The following APC variants were observed in gnomAD, a reference collection of about 807,000 sequenced individuals.
APC encodes adenomatous polyposis coli protein.
Under a neutral mutation model 247.0 loss-of-function variants are expected in APC, and 72 were observed. That is an observed-to-expected ratio of 0.29 (90% CI 0.24 to 0.35). The LOEUF (loss-of-function observed/expected upper bound fraction) is 0.35. APC is among the 10% of genes least tolerant of loss of function. APC has a pLI of 1.00. For synonymous variants in APC, 1,254 were observed against 1,162.5 expected (o/e 1.08, Z -1.60); for missense variants, 3,400 against 3,360.7 (o/e 1.01, Z -0.29).
intron 11 of APC, among the ~76,000 whole-genome samples, chr5:112,825,262 C>T (rs1763526127): frequency 6.6e-6 from 1 of 152,226 alleles, no homozygotes; most frequent in Non-Finnish European, 1.5e-5. Flanking sequence ...CCACCATCGT[C>T]TCTCCTGTTC....
chr5:112,732,705 A>T (rs1243455855), intron 1 of APC, among the ~76,000 whole-genome samples: 2 of 152,202 alleles, frequency 1.3e-5, no homozygotes, highest in Admixed American at 1.3e-4. Flanking sequence ...TTTAATAGTC[A>T]GGAATGGGAT....
chr5:112,714,751 C>T (rs1208211714), intron 1 of APC, among the ~76,000 whole-genome samples: 1 of 152,180 alleles, frequency 6.6e-6, no homozygotes, highest in East Asian at 1.9e-4. Context: ...ATTATCTCTT[C>T]TATCATGCTT....
At chr5:112,720,885 T>A (rs547079452) in intron 1 of APC, among the ~76,000 whole-genome samples, 1 of 152,296 alleles carries the variant, frequency 6.6e-6, no homozygotes, top group East Asian at 1.9e-4. Context: ...ATTGTTCAGC[T>A]AGAGTTGAGA....
intron 11 of APC, among the ~76,000 whole-genome samples, chr5:112,823,847 C>T (rs1034507245): frequency 6.6e-6 from 1 of 152,134 alleles, no homozygotes; most frequent in East Asian, 1.9e-4. Context: ...AGGCACTCGT[C>T]AAACTGGATT....
At chr5:112,787,438 C>T (rs1009594000) in intron 6 of APC, among the ~76,000 whole-genome samples, 1 of 147,706 alleles carries the variant, frequency 6.8e-6, no homozygotes, top group Non-Finnish European at 1.5e-5. Context: ...TAGTATGTGA[C>T]AATTCTTGTT....
chr5:112,846,153 T>C lies in APC; in HGVS notation c.*2027T>C, dbSNP rs1219458814. 4.3e-6 allele frequency: 1 copy of C among 232,226 alleles called. No homozygotes were observed. The highest frequency in any genetic ancestry group is 8.5e-6 in the Non-Finnish European group (1 of 117,504). The allele number at this position is 232,226 out of a possible 1,614,324, so 14.4% of individuals were successfully genotyped here. The stretch of plus-strand genomic sequence containing the variant: ...CTTTGAAATGATTGACCTTTAAATT[T>C]TTGCCAAATGTTATCTGAAATTGTC... On this transcript the variant is annotated 3_prime_UTR_variant, in exon 16 of 16. Transcript: ENST00000257430.
At chr5:112,761,309 A>G (rs1485397459) in intron 2 of APC, among the ~76,000 whole-genome samples, 1 of 152,240 alleles carries the variant, frequency 6.6e-6, no homozygotes, top group Non-Finnish European at 1.5e-5. Flanking sequence ...CAAATAGGTA[A>G]TAGGAGCAAA....
chr5:112,740,063 AT>A (rs1294239959), intron 1 of APC, among the ~76,000 whole-genome samples: 3 of 151,180 alleles, frequency 2.0e-5, no homozygotes, highest in Non-Finnish European at 4.4e-5. Flanking sequence ...AAAATAATAT[AT>A]AACAGAGGTA....
At chr5:112,835,564 T>A (rs1409364352) in intron 15 of APC, among the ~76,000 whole-genome samples, 1 of 138,402 alleles carries the variant, frequency 7.2e-6, no homozygotes, top group African/African-American at 2.7e-5. Context: ...TTAGTATCCA[T>A]AATAATAATT....
rs1384328057 is a variant in APC, at chr5:112,842,923, C to G, written c.7329C>G (p.Phe2443Leu). 6.2e-7 allele frequency: 1 copy of G among 1,613,912 alleles called. No individual in the cohort carries two copies. Among genetic ancestry groups the G allele is most frequent in the Non-Finnish European group, 8.5e-7 (1 of 1,179,924 alleles). Residue 2443 changes from phenylalanine to leucine, a missense_variant, in exon 16 of 16, where the codon TTC becomes TTG. Around this residue, in one of 9 missense-constraint regions of APC, gnomAD observed 1,788 missense variants for 1,649.5 expected, o/e 1.08. Transcript: ENST00000257430. ...CTGTATTAGTACGCCAGTCAACTTTCATCAAAGAAGCTCCAAGCCCAACCT... is the reference window on the plus strand; with the variant it reads ...CTGTATTAGTACGCCAGTCAACTTTGATCAAAGAAGCTCCAAGCCCAACCT... ...ERPVLVRQST[F>L]IKEAPSPTLR... is the part of the protein sequence containing the mutation.
chr5:112,810,337 G>C, intron 8 of APC: 2 of 216,578 alleles, frequency 9.2e-6, no homozygotes, highest in Non-Finnish European at 1.9e-5. Context: ...TGGTTAGCAA[G>C]AAGTTGAGGA....
chr5:112,834,377 G>T (rs74797473), intron 14 of APC, among the ~76,000 whole-genome samples: 2 of 151,686 alleles, frequency 1.3e-5, no homozygotes, highest in South Asian at 2.1e-4. Context: ...AAGTAGCTGG[G>T]ATTACAGGCA....
At chr5:112,801,083 A>T (rs1352674694) in intron 7 of APC, among the ~76,000 whole-genome samples, 196 bp from the exon 8 acceptor site, 1 of 152,144 alleles carries the variant, frequency 6.6e-6, no homozygotes, top group Non-Finnish European at 1.5e-5. Flanking sequence ...CAAGGGACAC[A>T]CTTCACTTTC....
intron 1 of APC, among the ~76,000 whole-genome samples, chr5:112,751,591 CTTTCA>C (rs1449670967): frequency 6.6e-6 from 1 of 151,844 alleles, no homozygotes; most frequent in Non-Finnish European, 1.5e-5. Flanking sequence ...GGGATCTTTT[CTTTCA>C]TTTATCTTCT....
intron 11 of APC, among the ~76,000 whole-genome samples, chr5:112,823,141 TA>T (rs1278845168): frequency 6.6e-6 from 1 of 152,156 alleles, no homozygotes; most frequent in African/African-American, 2.4e-5. Context: ...AGGAAGGGGA[TA>T]AAAAATAATG....
At chr5:112,831,044 T>A (rs537214401) in intron 14 of APC, among the ~76,000 whole-genome samples, 1 of 152,230 alleles carries the variant, frequency 6.6e-6, no homozygotes, top group Non-Finnish European at 1.5e-5. Context: ...GTGTGTATTA[T>A]GAGAATTTGC....
intron 1 of APC, among the ~76,000 whole-genome samples, chr5:112,749,882 C>A (rs544575263): frequency 7.1e-6 from 1 of 141,276 alleles, no homozygotes; most frequent in Non-Finnish European, 1.5e-5. Flanking sequence ...AGGTTGTTTT[C>A]TTTTTCCTGT....
At chr5:112,770,380 A>G (rs1580341603) in intron 4 of APC, among the ~76,000 whole-genome samples, 2 of 152,108 alleles carry the variant, frequency 1.3e-5, no homozygotes, top group East Asian at 3.8e-4. Context: ...CTGACTTTTA[A>G]CTCCAAGTGG....
chr5:112,793,970 C>T (rs1367135325), intron 7 of APC, among the ~76,000 whole-genome samples: 2 of 151,370 alleles, frequency 1.3e-5, no homozygotes, highest in Non-Finnish European at 2.9e-5. Context: ...AATAACAGCA[C>T]TGGAAACTGG....
Sources: gnomAD v4.1 joint callset for allele counts (sites outside exome capture counted in the v4.1 genomes callset) on GRCh38, gnomAD v4.1.1 for gene constraint, gnomAD v4.1.1 regional missense constraint, MANE v1.5 for transcripts, NCBI Gene and HGNC (gene_info 2026-07-23, HGNC 2026-07-21) for gene names.